The following LPP variants were observed in gnomAD, a reference collection of about 807,000 sequenced individuals.
LPP encodes the protein LIM domain containing preferred translocation partner in lipoma.
Under a neutral mutation model 60.4 loss-of-function variants are expected in LPP, and 38 were observed. The observed-to-expected ratio is 0.63, with a 90% CI of 0.49 to 0.83. The LOEUF (loss-of-function observed/expected upper bound fraction) is 0.83, where lower values mean the gene tolerates loss of function less well. Ranked by LOEUF, LPP falls within the 40% of genes least tolerant of loss-of-function variation. LPP has a pLI of 0.00. For synonymous variants in LPP, 328 were observed against 290.8 expected (o/e 1.13, Z -1.30); for missense variants, 902 against 783.6 (o/e 1.15, Z -1.80).
Position 188,602,741 on chromosome 3 carries a change from A to AG in LPP, c.430-6418dup, listed in dbSNP as rs5855211. 2.3e-3 allele frequency among the ~76,000 whole-genome samples: 339 copies of AG among 149,434 alleles called. 2 individuals are homozygous for AG. Among genetic ancestry groups the AG allele is most frequent in the African/African-American group, 8.1e-3 (331 of 40,808 alleles). On this transcript the variant is annotated intron_variant, in intron 6 of 11. Transcript: ENST00000617246. ...AAGATTATTTATTAAAAAAAAAAAA[A>AG]GGAGAAGAGTAACTTAGCATTTCCC...
chr3:188,755,432 C>T (rs1729813074), intron 8 of LPP, among the ~76,000 whole-genome samples: 1 of 152,094 alleles, frequency 6.6e-6, no homozygotes, highest in African/African-American at 2.4e-5. Context: ...GTGGTGATCA[C>T]AGGAAAAACA....
At position 188,505,785 on chromosome 3, in the gene LPP, C is replaced by T. The variant is rs78397541; in HGVS notation, c.307-18880C>T. ...TTCATATCTTCTGGGTTACAACCTA[C>T]TCATTGCCTTCATTCTATCTTTTTC... On this transcript the variant is annotated intron_variant, in intron 5 of 11. Transcript: ENST00000617246. Among the ~76,000 whole-genome samples, 799 of 152,300 alleles carry T rather than the reference C, an allele frequency of 5.2e-3. 5 individuals carry two copies. The highest frequency in any genetic ancestry group is 0.019 in the African/African-American group (777 of 41,574).
Position 188,610,893 on chromosome 3 carries a change from G to C in LPP, c.1113+1049G>C, listed in dbSNP as rs1843568406. ...TAGAACTGTGAGAAATCAGAAATTTGAGAGCCCTCAATTAGCTAGAAGTTC... is the reference window on the plus strand; with the variant it reads ...TAGAACTGTGAGAAATCAGAAATTTCAGAGCCCTCAATTAGCTAGAAGTTC... On this transcript the variant is annotated intron_variant, in intron 7 of 11. Coordinates refer to ENST00000617246, the MANE Select transcript of LPP (RefSeq NM_001375462.1). The surrounding 1 kb of genome is among the most constrained non-coding windows in gnomAD (Gnocchi z 4.4). Among the ~76,000 whole-genome samples the C allele has an allele frequency of 6.6e-6, 1 of 152,188 alleles. No individual in the cohort carries two copies. Among genetic ancestry groups the C allele is most frequent in the African/African-American group, 2.4e-5 (1 of 41,448 alleles).
At chr3:188,361,547 CT>C (rs1560296451) in intron 3 of LPP, among the ~76,000 whole-genome samples, 3 of 124,060 alleles carry the variant, frequency 2.4e-5, no homozygotes, top group African/African-American at 5.8e-5. Flanking sequence ...CTCTCCTCCC[CT>C]CTCCTCTCCT....
At chr3:188,202,050 C>T (rs551884907) in intron 1 of LPP, among the ~76,000 whole-genome samples, 1 of 151,744 alleles carries the variant, frequency 6.6e-6, no homozygotes, top group African/African-American at 2.4e-5. Flanking sequence ...ATAGAAGCTT[C>T]GGTCCCGGTT....
At chr3:188,420,943 T>C (rs546031769) in intron 4 of LPP, among the ~76,000 whole-genome samples, 2 of 152,298 alleles carry the variant, frequency 1.3e-5, no homozygotes, top group South Asian at 4.1e-4. Context: ...TTGCACATGT[T>C]GCCTGAGCTG....
At chr3:188,488,777 C>T (rs1466746492) in intron 5 of LPP, among the ~76,000 whole-genome samples, 1 of 152,064 alleles carries the variant, frequency 6.6e-6, no homozygotes, top group Non-Finnish European at 1.5e-5. Context: ...GCTGGGACTA[C>T]AGGCACCCAC....
intron 5 of LPP, among the ~76,000 whole-genome samples, chr3:188,512,178 A>G (rs112331330): frequency 0.011 from 1,684 of 152,254 alleles, 33 homozygotes; most frequent in African/African-American, 0.038. Flanking sequence ...ACTATAAATG[A>G]TTCTCTTGCA....
chr3:188,880,034 CTTTTTT>C lies in LPP; in HGVS notation c.*5564_*5569del, dbSNP rs71169024. 4.9e-5 allele frequency: 7 copies of C among 144,312 alleles called. No individual in the cohort carries two copies. Among genetic ancestry groups the C allele is most frequent in the East Asian group, 2.9e-4 (2 of 6,788 alleles). The allele number at this position is 144,312 out of a possible 1,614,324, so 8.9% of individuals were successfully genotyped here. ...AAAGATGCGTTTTTTTTCTTTTTTT[CTTTTTT>C]TTTTTTTTGAGACGGAGTCTGGCTC... On this transcript the variant is annotated 3_prime_UTR_variant, in exon 12 of 12. Coordinates refer to ENST00000617246, the MANE Select transcript of LPP (RefSeq NM_001375462.1).
intron 9 of LPP, among the ~76,000 whole-genome samples, chr3:188,809,552 G>T (rs1339031169): frequency 1.3e-5 from 2 of 151,946 alleles, no homozygotes; most frequent in Admixed American, 6.6e-5. Flanking sequence ...TTATAAATTT[G>T]TTAAGTTCCT....
intron 7 of LPP, among the ~76,000 whole-genome samples, chr3:188,626,378 A>G (rs1241422248): frequency 2.6e-5 from 4 of 151,448 alleles, no homozygotes; most frequent in Admixed American, 2.6e-4. Flanking sequence ...TTACGTGTAT[A>G]GCATATCATA....
chr3:188,214,509 G>C (rs1445070930), intron 1 of LPP, among the ~76,000 whole-genome samples: 2 of 152,220 alleles, frequency 1.3e-5, no homozygotes, highest in African/African-American at 2.4e-5. Context: ...TTTATTACCA[G>C]TGGCATTAGG....
intron 6 of LPP, among the ~76,000 whole-genome samples, chr3:188,525,265 C>T (rs1820277490): frequency 1.3e-5 from 2 of 152,088 alleles, no homozygotes; most frequent in Non-Finnish European, 2.9e-5. Flanking sequence ...ATGCCCGGCC[C>T]TTTTATTCTT....
chr3:188,781,563 G>T (rs55709741), intron 9 of LPP, among the ~76,000 whole-genome samples: 35,912 of 151,532 alleles, frequency 0.24, 4,644 homozygotes, highest in Non-Finnish European at 0.29. Flanking sequence ...TGAGAGACAA[G>T]CAAAAAAGGA....
In LPP at chr3:188,889,457, G is replaced by A. The variant is rs751989513; in HGVS notation, c.*14978G>A. On this transcript the variant is annotated 3_prime_UTR_variant, in exon 12 of 12. Transcript: ENST00000617246. ...GCTGGCAGATTACACTTGCCAAGTC[G>A]TTCCCTTTCCTTCTAAGTCAGTTGG... 3 of 231,188 alleles carry A rather than the reference G, an allele frequency of 1.3e-5. No homozygotes were observed. Among genetic ancestry groups the A allele is most frequent in the Non-Finnish European group, 2.6e-5 (3 of 116,776 alleles). 14.3% of individuals were successfully genotyped at this position (231,188 alleles called of 1,614,324 possible). A position where few individuals can be genotyped will look rare whatever the true frequency, so the allele number is the denominator to read the frequency against.
At chr3:188,488,432 A>G (rs1272691696) in intron 5 of LPP, among the ~76,000 whole-genome samples, 2 of 152,268 alleles carry the variant, frequency 1.3e-5, no homozygotes, top group East Asian at 1.9e-4. Flanking sequence ...GTCAGGATCA[A>G]CGTGACCTCC....
At chr3:188,814,224 CTG>C (rs1224934514) in intron 9 of LPP, among the ~76,000 whole-genome samples, 5 of 152,158 alleles carry the variant, frequency 3.3e-5, no homozygotes, top group African/African-American at 1.2e-4. Context: ...TGGTCTACCT[CTG>C]TCACTTAGTA....
intron 1 of LPP, among the ~76,000 whole-genome samples, chr3:188,216,683 T>G (rs1262385490): frequency 6.6e-6 from 1 of 152,220 alleles, no homozygotes; most frequent in Non-Finnish European, 1.5e-5. Flanking sequence ...ACATTTAGGC[T>G]GTGCTGAGTT....
intron 5 of LPP, among the ~76,000 whole-genome samples, chr3:188,497,308 T>A (rs1810528783): frequency 6.6e-6 from 1 of 152,208 alleles, no homozygotes; most frequent in South Asian, 2.1e-4. Flanking sequence ...TATGATAGTA[T>A]GATAATTCCA....
Sources: allele counts gnomAD v4.1 joint callset (sites outside exome capture counted in the v4.1 genomes callset), GRCh38; gene constraint gnomAD v4.1.1; non-coding constraint Gnocchi (gnomAD v3.1); transcripts MANE v1.5; gene names NCBI Gene and HGNC (gene_info 2026-07-23, HGNC 2026-07-21).